Variants in PRKN observed in about 807,000 individuals in gnomAD.
The protein encoded by PRKN is E3 ubiquitin-protein ligase parkin.
Under a neutral mutation model 59.5 loss-of-function variants are expected in PRKN, and 56 were observed. The observed-to-expected ratio is 0.94, with a 90% CI of 0.76 to 1.18. The LOEUF is 1.18. PRKN is among the 50% of genes most tolerant of loss of function. The pLI is 0.00. For missense variants in PRKN, 657 were observed against 596.4 expected (o/e 1.10, Z -1.06); for synonymous variants, 250 against 222.1 (o/e 1.13, Z -1.12).
chr6:161,514,415 T>C (rs555202638), intron 9 of PRKN, among the ~76,000 whole-genome samples: 2 of 151,908 alleles, frequency 1.3e-5, no homozygotes, highest in South Asian at 2.1e-4. Flanking sequence ...TTTTTGGGGG[T>C]AAAGTTTTAT....
intron 2 of PRKN, among the ~76,000 whole-genome samples, chr6:162,264,981 T>C (rs1780065151): frequency 6.6e-6 from 1 of 152,138 alleles, no homozygotes; most frequent in Non-Finnish European, 1.5e-5. Flanking sequence ...GTTTTAGGCC[T>C]TCCTCATGAT....
At chr6:162,565,505 C>T (rs749199509) in intron 1 of PRKN, among the ~76,000 whole-genome samples, 4 of 152,066 alleles carry the variant, frequency 2.6e-5, no homozygotes, top group Admixed American at 1.3e-4. Flanking sequence ...GCCTGGCAAA[C>T]ATGGTGAAAC....
chr6:161,506,998 G>A (rs1778198647), intron 9 of PRKN, among the ~76,000 whole-genome samples: 1 of 152,194 alleles, frequency 6.6e-6, no homozygotes, highest in Non-Finnish European at 1.5e-5. Flanking sequence ...GGATGTCACA[G>A]GCCGCCTGTT....
At chr6:162,297,464 T>G (rs1781734465) in intron 2 of PRKN, among the ~76,000 whole-genome samples, 1 of 152,132 alleles carries the variant, frequency 6.6e-6, no homozygotes, top group Admixed American at 6.5e-5. Flanking sequence ...TCTACAAGAT[T>G]GGATTTTGAA....
rs541245013 is a variant in PRKN at position 162,020,585 on chromosome 6, TAAAC to T, written c.618+33502_618+33505del. Among the ~76,000 whole-genome samples, 7 of 152,178 alleles carry T rather than the reference TAAAC, an allele frequency of 4.6e-5. No individual in the cohort carries two copies. In the South Asian group the frequency reaches 1.5e-3, roughly 32 times the overall value. Reference sequence around the variant, plus strand: ...GGTAAGGGACAGATATATATGTAGGTAAACAAAAAAGTTCAAGCTTATCAGCATC... The same window carrying T: ...GGTAAGGGACAGATATATATGTAGGTAAAAAAGTTCAAGCTTATCAGCATC... On this transcript the variant is annotated intron_variant, in intron 5 of 11. Transcript: ENST00000366898.
At chr6:162,069,748 T>G (rs1261475999) in intron 4 of PRKN, among the ~76,000 whole-genome samples, 1 of 152,210 alleles carries the variant, frequency 6.6e-6, no homozygotes, top group African/African-American at 2.4e-5. Context: ...TCTCTACAAA[T>G]TGTTTAAAAC....
intron 7 of PRKN, among the ~76,000 whole-genome samples, chr6:161,748,023 T>C (rs1583097632): frequency 6.6e-6 from 1 of 152,214 alleles, no homozygotes. Flanking sequence ...TCAGGTGTAT[T>C]ACACAGCTTT....
At chr6:162,619,321 T>TC (rs1427381561) in intron 1 of PRKN, among the ~76,000 whole-genome samples, 1 of 150,484 alleles carries the variant, frequency 6.6e-6, no homozygotes, top group African/African-American at 2.5e-5. Context: ...TTTTAATTTT[T>TC]TTTTTTAGTA....
chr6:161,741,500 G>A (rs567414902), intron 7 of PRKN, among the ~76,000 whole-genome samples: 48 of 152,296 alleles, frequency 3.2e-4, no homozygotes, highest in South Asian at 6.2e-4. Flanking sequence ...TAGTGTCTGT[G>A]TGCCCTAGAG....
chr6:161,658,030 A>AAAAAGAAAAG (rs71544913), intron 7 of PRKN, among the ~76,000 whole-genome samples: 2 of 104,902 alleles, frequency 1.9e-5, no homozygotes, highest in Non-Finnish European at 3.8e-5. Context: ...AAAAAAAAAA[A>AAAAAGAAAAG]AAAAGAAAAG....
chr6:161,934,723 T>C (rs7746164), intron 6 of PRKN, among the ~76,000 whole-genome samples: 84,518 of 151,886 alleles, frequency 0.56, 23,658 homozygotes, highest in Middle Eastern at 0.67. Flanking sequence ...ATGTTGTTAC[T>C]TTGAGAGACA....
chr6:162,450,426 T>C (rs796578250), intron 1 of PRKN, among the ~76,000 whole-genome samples: 6 of 121,072 alleles, frequency 5.0e-5, no homozygotes, highest in Admixed American at 1.5e-4. Context: ...ACCCCTGTGA[T>C]TGTCTTCCTC....
chr6:161,413,410 C>T lies in PRKN; in HGVS notation c.1084-26533G>A, dbSNP rs933579294. Among the ~76,000 whole-genome samples the T allele has an allele frequency of 1.3e-5, 2 of 152,194 alleles. No individual in the cohort carries two copies. On this transcript the variant is annotated intron_variant, in intron 9 of 11. Coordinates refer to ENST00000366898, the MANE Select transcript of PRKN (RefSeq NM_004562.3). This position sits in a 1 kb window ranked among gnomAD's most constrained non-coding sequence, Gnocchi z 4.4. ...AAAGGGAATGACAGCTGCAGCAGGT[C>T]GCCAGTGCATCAACACAGAGTAACC... is the stretch of plus-strand genomic sequence containing the variant.
Position 162,129,734 on chromosome 6 carries a change from C to T in PRKN, c.534+71397G>A, listed in dbSNP as rs188747586. Among the ~76,000 whole-genome samples, 155 of 152,208 alleles carry T rather than the reference C, an allele frequency of 1.0e-3. 1 individual carries two copies. Among genetic ancestry groups the T allele is most frequent in the Middle Eastern group, 6.8e-3 (2 of 294 alleles). On this transcript the variant is annotated intron_variant, in intron 4 of 11. Transcript: ENST00000366898. Reference sequence around the variant, plus strand: ...ATGTGAGGACTGATTCACAGAACTGCATAAGGTTATTTATAATGTTTTATA... The same window carrying T: ...ATGTGAGGACTGATTCACAGAACTGTATAAGGTTATTTATAATGTTTTATA...
intron 7 of PRKN, among the ~76,000 whole-genome samples, chr6:161,654,640 G>T (rs16892843): frequency 6.6e-6 from 1 of 152,066 alleles, no homozygotes; most frequent in South Asian, 2.1e-4. Context: ...AAATTGCTTC[G>T]GATGCAGACA....
In PRKN at chr6:161,385,534, G is replaced by T. The variant is rs146992931; in HGVS notation, c.1167+1260C>A. Among the ~76,000 whole-genome samples, 30 of 152,258 alleles carry T rather than the reference G, an allele frequency of 2.0e-4. No individual in the cohort carries two copies. The highest frequency in any genetic ancestry group is 6.7e-4 in the African/African-American group (28 of 41,558). On this transcript the variant is annotated intron_variant, in intron 10 of 11. Transcript: ENST00000366898. This position sits in a 1 kb window ranked among gnomAD's most constrained non-coding sequence, Gnocchi z 4.9. Reference sequence around the variant, plus strand: ...GGGTCAGGCGCCTGGATGGCTTTAGGTTAAGCAATGCTCTTCTTTCCCTTA... The same window carrying T: ...GGGTCAGGCGCCTGGATGGCTTTAGTTTAAGCAATGCTCTTCTTTCCCTTA...
chr6:162,114,909 A>G (rs1780600095), intron 4 of PRKN, among the ~76,000 whole-genome samples: 1 of 152,010 alleles, frequency 6.6e-6, no homozygotes. Flanking sequence ...ATTGTAAACT[A>G]GTTCAACCAT....
At chr6:161,748,028 A>G (rs1473167277) in intron 7 of PRKN, among the ~76,000 whole-genome samples, 1 of 152,196 alleles carries the variant, frequency 6.6e-6, no homozygotes, top group East Asian at 1.9e-4. Flanking sequence ...TGTATTACAC[A>G]GCTTTGAGAT....
chr6:161,452,194 T>C (rs1562459046), intron 9 of PRKN, among the ~76,000 whole-genome samples: 2 of 151,954 alleles, frequency 1.3e-5, no homozygotes, highest in East Asian at 3.9e-4. Context: ...TCTCAAGTGA[T>C]CCCACCTCGG....
Sources: gnomAD v4.1 joint callset for allele counts (sites outside exome capture counted in the v4.1 genomes callset) on GRCh38, gnomAD v4.1.1 for gene constraint, Gnocchi (gnomAD v3.1) non-coding constraint, MANE v1.5 for transcripts, NCBI Gene and HGNC (gene_info 2026-07-23, HGNC 2026-07-21) for gene names.